Variants in HIF1AN observed in about 807,000 individuals in gnomAD.
HIF1AN encodes the protein hypoxia inducible factor 1 subunit alpha inhibitor.
Under a neutral mutation model 47.7 loss-of-function variants are expected in HIF1AN, and 21 were observed. The ratio of observed to expected loss-of-function variants is 0.44; its 90% CI spans 0.31 to 0.63. The LOEUF is 0.63. Among genes scored for constraint, HIF1AN ranks in the 30% least tolerant of loss-of-function variants. The pLI is 0.07. For synonymous variants in HIF1AN, 152 were observed against 155.9 expected, an observed-to-expected ratio of 0.98 and a Z score of 0.18; for missense variants, 320 against 432.7, an observed-to-expected ratio of 0.74 and a Z score of 2.31.
At position 100,557,883 on chromosome 10, in the gene HIF1AN, A is replaced by G. The variant is rs1671512476; in HGVS notation, c.*9746A>G. On this transcript the variant is annotated 3_prime_UTR_variant, in exon 8 of 8. Coordinates refer to ENST00000299163, the MANE Select transcript of HIF1AN (RefSeq NM_017902.3). ...TTCTTTTCCTCCATTTCTTCTTAGG[A>G]AGCATCGTTTACCCAGCATAAACAG... The G allele has an allele frequency of 6.6e-6, 1 of 152,246 alleles. No individual in the cohort carries two copies. Among genetic ancestry groups the G allele is most frequent in the African/African-American group, 2.4e-5 (1 of 41,460 alleles). 9.4% of individuals were successfully genotyped at this position (152,246 alleles called of 1,614,324 possible). A position where few individuals can be genotyped will look rare whatever the true frequency, so the allele number is the denominator to read the frequency against.
rs778564600 is a variant in HIF1AN, at chr10:100,547,261, G to T, written c.1005+11G>T. ...GGGAACCCACAAGAGGTAGGTGACT[G>T]CCCCAAGGTGGCTCAGTGGGTGGGT... On this transcript the variant is annotated intron_variant, in intron 7 of 7. Transcript: ENST00000299163. 19 of 1,579,184 alleles carry T rather than the reference G, an allele frequency of 1.2e-5. No homozygotes were observed. The Admixed American group carries it at 3.2e-4, about 27-fold the overall frequency.
intron 7 of HIF1AN, among the ~76,000 whole-genome samples, chr10:100,547,681 T>G (rs530644763): frequency 6.6e-6 from 1 of 152,306 alleles, no homozygotes; most frequent in Non-Finnish European, 1.5e-5. Context: ...GGAGGTAACC[T>G]CAGCATCCAC....
intron 6 of HIF1AN, 48 bp from the exon 7 acceptor site, chr10:100,547,092 T>C: frequency 7.5e-7 from 1 of 1,337,406 alleles, no homozygotes; most frequent in Non-Finnish European, 1.1e-6. Flanking sequence ...AGAGTGACAC[T>C]GACGCCTGCT....
intron 7 of HIF1AN, 102 bp from the exon 8 acceptor site, chr10:100,547,991 T>C: frequency 9.7e-7 from 1 of 1,028,268 alleles, no homozygotes; most frequent in South Asian, 1.3e-5. Flanking sequence ...GAAAACATTG[T>C]CTCTGTCCTT....
intron 3 of HIF1AN, among the ~76,000 whole-genome samples, chr10:100,542,164 A>G (rs186999467): frequency 9.9e-4 from 151 of 151,868 alleles, no homozygotes; most frequent in African/African-American, 3.4e-3. Context: ...GTATACCTGT[A>G]TAGGGCTGCT....
chr10:100,536,749 C>T, intron 2 of HIF1AN, 88 bp downstream of exon 2: 1 of 1,449,168 alleles, frequency 6.9e-7, no homozygotes, highest in Non-Finnish European at 9.5e-7. Context: ...AGAATTGGGT[C>T]AATTAGAGAT....
rs373893719 is a variant in HIF1AN, at chr10:100,536,749, CAATT to C, written c.428+90_428+93del. On this transcript the variant is annotated intron_variant, in intron 2 of 7. Transcript: ENST00000299163. Reference sequence around the variant, plus strand: ...GTTTGAAGGTGTGGCAGAATTGGGTCAATTAGAGATTGGCCTCTCCCATCTCTGG... The same window carrying C: ...GTTTGAAGGTGTGGCAGAATTGGGTCAGAGATTGGCCTCTCCCATCTCTGG... 443 of 1,449,166 alleles carry C rather than the reference CAATT, an allele frequency of 3.1e-4. 2 individuals are homozygous for C. The African/African-American group carries it at 5.6e-3, about 18-fold the overall frequency. 89.8% of individuals were successfully genotyped at this position (1,449,166 alleles called of 1,614,324 possible).
Position 100,548,946 on chromosome 10 carries a change from T to C in HIF1AN, c.*809T>C, listed in dbSNP as rs1433387698. ...ATGCTGGGTACCAAGGGAGTTCTCC[T>C]AGCTGTGGCTTCTCTAGGTTCTAGG... is the stretch of plus-strand genomic sequence containing the variant. On this transcript the variant is annotated 3_prime_UTR_variant, in exon 8 of 8. Transcript: ENST00000299163. 1 of 152,494 alleles carries C rather than the reference T, an allele frequency of 6.6e-6. No homozygotes were observed. The highest frequency in any genetic ancestry group is 2.4e-5 in the African/African-American group (1 of 41,440). The allele number at this position is 152,494 out of a possible 1,614,324, so 9.4% of individuals were successfully genotyped here.
chr10:100,558,872 G>C lies in HIF1AN; in HGVS notation c.*10735G>C, dbSNP rs955530204. On this transcript the variant is annotated 3_prime_UTR_variant, in exon 8 of 8. Coordinates refer to ENST00000299163, the MANE Select transcript of HIF1AN (RefSeq NM_017902.3). ...AGGACTTAGGATGAAGAACAGGTGT[G>C]TTTAAAAACATCAAACCCCCACATC... 1.3e-5 allele frequency: 2 copies of C among 152,190 alleles called. No homozygotes were observed. The highest frequency in any genetic ancestry group is 2.9e-5 in the Non-Finnish European group (2 of 68,036). The allele number at this position is 152,190 out of a possible 1,614,324, so 9.4% of individuals were successfully genotyped here.
intron 2 of HIF1AN, among the ~76,000 whole-genome samples, chr10:100,537,958 T>A (rs1852248460): frequency 6.6e-6 from 1 of 152,262 alleles, no homozygotes; most frequent in Non-Finnish European, 1.5e-5. Flanking sequence ...TGCATTAATT[T>A]TCTAAAATTT....
Position 100,548,090 on chromosome 10 carries a change from C to T in HIF1AN, c.1006-3C>T. 6.2e-7 allele frequency: 1 copy of T among 1,613,892 alleles called. No homozygotes were observed. Among genetic ancestry groups the T allele is most frequent in the Non-Finnish European group, 8.5e-7 (1 of 1,179,886 alleles). On this transcript the variant is annotated splice_polypyrimidine_tract_variant and splice_region_variant and intron_variant, in intron 7 of 7. Coordinates refer to ENST00000299163, the MANE Select transcript of HIF1AN (RefSeq NM_017902.3). ...CTGATTGGCTCCTCATGTTTCTTTA[C>T]AGGTGGGGCCCTTGTTGAACACAAT...
intron 3 of HIF1AN, among the ~76,000 whole-genome samples, chr10:100,542,846 GTTTTTTTTT>G (rs397730143): frequency 0.019 from 2,148 of 111,786 alleles, 30 homozygotes; most frequent in Non-Finnish European, 0.022. Flanking sequence ...ATGTGAATGT[GTTTTTTTTT>G]TTTTTTTTTT....
rs762059071 is a variant in HIF1AN at position 100,548,093 on chromosome 10, G to A, written c.1006G>A (p.Val336Met). The A allele has an allele frequency of 6.8e-6, 11 of 1,613,914 alleles. No homozygotes were observed. The highest frequency in any genetic ancestry group is 1.7e-4 in the Middle Eastern group (1 of 6,060). ...LGEALGNPQE[V>M]GPLLNTMIKG... is the part of the protein sequence containing the mutation. The stretch of plus-strand genomic sequence containing the variant: ...ATTGGCTCCTCATGTTTCTTTACAG[G>A]TGGGGCCCTTGTTGAACACAATGAT... The change falls in exon 8 of 8, where the codon GTG becomes ATG. Residue 336 changes from valine to methionine, a missense_variant and splice_region_variant. Val to Met is a conservative substitution (Grantham distance 21, BLOSUM62 1). This residue lies in a region of HIF1AN where 161 missense variants were observed against 272.8 expected (regional missense o/e 0.59). Transcript: ENST00000299163.
rs1274210981 is a variant in HIF1AN, at chr10:100,555,418, C to CTT, written c.*7282_*7283dup. On this transcript the variant is annotated 3_prime_UTR_variant, in exon 8 of 8. Coordinates refer to ENST00000299163, the MANE Select transcript of HIF1AN (RefSeq NM_017902.3). ...GAAATGTTGAATCAAGCTACTCAGACTTCAGCCTGAGATGTATTATGGCTG... is the reference window on the plus strand; with the variant it reads ...GAAATGTTGAATCAAGCTACTCAGACTTTTCAGCCTGAGATGTATTATGGCTG... 2.6e-5 allele frequency: 4 copies of CTT among 152,254 alleles called. No homozygotes were observed. The highest frequency in any genetic ancestry group is 9.6e-5 in the African/African-American group (4 of 41,458). The allele number at this position is 152,254 out of a possible 1,614,324, so 9.4% of individuals were successfully genotyped here.
At position 100,556,444 on chromosome 10, in the gene HIF1AN, C is replaced by T. The variant is rs1359347087; in HGVS notation, c.*8307C>T. 6.6e-6 allele frequency: 1 copy of T among 152,176 alleles called. No homozygotes were observed. The highest frequency in any genetic ancestry group is 1.5e-5 in the Non-Finnish European group (1 of 68,060). 9.4% of individuals were successfully genotyped at this position (152,176 alleles called of 1,614,324 possible). On this transcript the variant is annotated 3_prime_UTR_variant, in exon 8 of 8. Coordinates refer to ENST00000299163, the MANE Select transcript of HIF1AN (RefSeq NM_017902.3). ...CAAGAAGGAGACCCTGGGATGTGCA[C>T]AAGGATGCAGGAGACGAGATTGTCA...
chr10:100,546,778 T>C (rs964701620), intron 6 of HIF1AN, among the ~76,000 whole-genome samples, 197 bp downstream of exon 6: 1 of 152,016 alleles, frequency 6.6e-6, no homozygotes, highest in Non-Finnish European at 1.5e-5. Context: ...CTTGCTCTAT[T>C]CCCCAGGCTG....
rs1589755896 is a variant in HIF1AN, at chr10:100,552,439, C to T, written c.*4302C>T. ...AGATGGGGTAGATGATGAGGTATAC[C>T]TAGAAGTAGCTCAGGGCTCCAGAGT... On this transcript the variant is annotated 3_prime_UTR_variant, in exon 8 of 8. Coordinates refer to ENST00000299163, the MANE Select transcript of HIF1AN (RefSeq NM_017902.3). 2 of 152,440 alleles carry T rather than the reference C, an allele frequency of 1.3e-5. No individual in the cohort carries two copies. Among genetic ancestry groups the T allele is most frequent in the South Asian group, 2.1e-4 (1 of 4,826 alleles). 9.4% of individuals were successfully genotyped at this position (152,440 alleles called of 1,614,324 possible). A position where few individuals can be genotyped will look rare whatever the true frequency, so the allele number is the denominator to read the frequency against.
intron 2 of HIF1AN, among the ~76,000 whole-genome samples, chr10:100,539,240 C>T (rs1842992861): frequency 6.6e-6 from 1 of 152,204 alleles, no homozygotes; most frequent in Non-Finnish European, 1.5e-5. Context: ...CCTCTTTGAG[C>T]CTTTTGAAAT....
Position 100,550,296 on chromosome 10 carries a change from G to C in HIF1AN, c.*2159G>C. The C allele has an allele frequency of 6.6e-6, 1 of 152,260 alleles. No individual in the cohort carries two copies. Among genetic ancestry groups the C allele is most frequent in the South Asian group, 2.1e-4 (1 of 4,818 alleles). 9.4% of individuals were successfully genotyped at this position (152,260 alleles called of 1,614,324 possible). A position where few individuals can be genotyped will look rare whatever the true frequency, so the allele number is the denominator to read the frequency against. ...TTCACAGGATTGGCCTTGATCCTTGGGTAACACAAGAGTGATTCCTGATTT... is the reference window on the plus strand; with the variant it reads ...TTCACAGGATTGGCCTTGATCCTTGCGTAACACAAGAGTGATTCCTGATTT... On this transcript the variant is annotated 3_prime_UTR_variant, in exon 8 of 8. Transcript: ENST00000299163.
Sources: allele counts gnomAD v4.1 joint callset (sites outside exome capture counted in the v4.1 genomes callset), GRCh38; gene constraint gnomAD v4.1.1; regional missense constraint gnomAD v4.1.1; transcripts MANE v1.5; gene names NCBI Gene and HGNC (gene_info 2026-07-23, HGNC 2026-07-21).